The following PSD3 variants were observed in gnomAD, a reference collection of about 807,000 sequenced individuals.
PSD3 encodes PH and SEC7 domain-containing protein 3.
A neutral mutation model predicts 105.5 loss-of-function variants in PSD3; 49 were observed. That is an observed-to-expected ratio of 0.46 (90% CI 0.37 to 0.59). The LOEUF is 0.59. PSD3 is among the 20% of genes least tolerant of loss of function. The pLI is 0.00. For synonymous variants in PSD3, 557 were observed against 457.8 expected (o/e 1.22, Z -2.77); for missense variants, 1,561 against 1,263.8 (o/e 1.24, Z -3.57).
At chr8:18,843,695 G>A (rs902587675) in intron 4 of PSD3, among the ~76,000 whole-genome samples, 5 of 152,072 alleles carry the variant, frequency 3.3e-5, no homozygotes, top group African/African-American at 1.2e-4. Context: ...TGCTAATCTG[G>A]GCTTTGTGAT....
intron 4 of PSD3, among the ~76,000 whole-genome samples, chr8:18,828,981 C>T (rs978581078): frequency 4.0e-5 from 6 of 151,896 alleles, no homozygotes; most frequent in African/African-American, 9.7e-5. Flanking sequence ...CTGAGGTGGG[C>T]GGACGGCTTG....
intron 1 of PSD3, among the ~76,000 whole-genome samples, chr8:19,002,121 C>A (rs1266966771): frequency 3.3e-5 from 5 of 151,962 alleles, no homozygotes; most frequent in African/African-American, 1.2e-4. Context: ...AAGGAACATC[C>A]CTTGAAGGCA....
At chr8:18,793,069 G>A (rs556579317) in intron 8 of PSD3, among the ~76,000 whole-genome samples, 32 of 152,074 alleles carry the variant, frequency 2.1e-4, no homozygotes, top group Non-Finnish European at 3.4e-4. Context: ...GCAAACTACC[G>A]CAAGGACAGA....
At position 18,600,204 on chromosome 8, in the gene PSD3, C is replaced by T. The variant is rs377734775; in HGVS notation, c.2481+160G>A. Among the ~76,000 whole-genome samples, 10 of 152,256 alleles carry T rather than the reference C, an allele frequency of 6.6e-5. No individual in the cohort carries two copies. The East Asian group carries it at 1.7e-3, about 26-fold the overall frequency. ...CAGCATGCAACTTAAAACTTAAAATCGTTTATTTCTGGAATTCTCCGCTGA... is the reference window on the plus strand; with the variant it reads ...CAGCATGCAACTTAAAACTTAAAATTGTTTATTTCTGGAATTCTCCGCTGA... On this transcript the variant is annotated intron_variant, in intron 12 of 15. Transcript: ENST00000327040.
chr8:18,804,824 G>A lies in PSD3; in HGVS notation c.1709C>T (p.Thr570Ile), dbSNP rs773030037. The A allele has an allele frequency of 1.9e-6, 3 of 1,613,896 alleles. No individual in the cohort carries two copies. Among genetic ancestry groups the A allele is most frequent in the South Asian group, 1.1e-5 (1 of 91,074 alleles). The change falls in exon 5 of 16, where the codon ACC becomes ATC. Residue 570 changes from threonine to isoleucine, a missense_variant. Physicochemically the swap from Thr to Ile is moderately conservative, Grantham distance 89. Transcript: ENST00000327040. ...MGSTEILEKE[T>I]PENLSNGTSS... The stretch of plus-strand genomic sequence containing the variant: ...GGTACCATTACTGAGATTTTCTGGG[G>A]TCTCCTTTTCCAAAATTTCAGTGCT...
intron 1 of PSD3, among the ~76,000 whole-genome samples, chr8:19,031,415 T>C (rs1159424837): frequency 6.6e-6 from 1 of 152,234 alleles, no homozygotes; most frequent in African/African-American, 2.4e-5. Flanking sequence ...AAAGCATTTA[T>C]CAGTTTAATA....
At chr8:18,902,461 T>C (rs1034899627) in intron 2 of PSD3, among the ~76,000 whole-genome samples, 1 of 152,246 alleles carries the variant, frequency 6.6e-6, no homozygotes, top group Non-Finnish European at 1.5e-5. Context: ...ATTATTACTT[T>C]GAATTCATAT....
chr8:18,823,436 A>G (rs1812910013), intron 4 of PSD3, among the ~76,000 whole-genome samples: 1 of 152,192 alleles, frequency 6.6e-6, no homozygotes, highest in African/African-American at 2.4e-5. Flanking sequence ...TGGCAATAAT[A>G]GCAAAGGCGT....
At chr8:18,694,831 A>AG (rs1307636870) in intron 9 of PSD3, among the ~76,000 whole-genome samples, 1 of 151,396 alleles carries the variant, frequency 6.6e-6, no homozygotes, top group Non-Finnish European at 1.5e-5. Context: ...TGAAAAAAAA[A>AG]ATTATTCTGA....
At chr8:18,786,278 C>G (rs1483781454) in intron 8 of PSD3, among the ~76,000 whole-genome samples, 1 of 152,100 alleles carries the variant, frequency 6.6e-6, no homozygotes, top group Non-Finnish European at 1.5e-5. Context: ...GATTCATGAA[C>G]AAGATATTTA....
At chr8:18,731,151 G>A (rs1803719445) in intron 9 of PSD3, among the ~76,000 whole-genome samples, 1 of 152,096 alleles carries the variant, frequency 6.6e-6, no homozygotes, top group African/African-American at 2.4e-5. Context: ...AGCTACTCGG[G>A]AGCCTGAGGC....
chr8:18,957,977 C>T (rs1823682422), intron 1 of PSD3, among the ~76,000 whole-genome samples: 1 of 152,150 alleles, frequency 6.6e-6, no homozygotes, highest in Admixed American at 6.5e-5. Context: ...TAAGCTATTG[C>T]TACCACAATT....
intron 4 of PSD3, among the ~76,000 whole-genome samples, chr8:18,866,064 T>A (rs1816911203): frequency 6.6e-6 from 1 of 152,178 alleles, no homozygotes; most frequent in African/African-American, 2.4e-5. Flanking sequence ...AGCCCAAAAC[T>A]CTTCCACTCC....
chr8:18,935,282 T>A (rs1390443275), intron 2 of PSD3, among the ~76,000 whole-genome samples: 1 of 152,270 alleles, frequency 6.6e-6, no homozygotes, highest in South Asian at 2.1e-4. Context: ...TAAAAAGTAT[T>A]AAAAATAAAC....
intron 1 of PSD3, among the ~76,000 whole-genome samples, chr8:18,971,041 G>C (rs565764489): frequency 1.3e-5 from 2 of 151,496 alleles, no homozygotes; most frequent in South Asian, 4.2e-4. Flanking sequence ...ATCCACCCCA[G>C]GGAATGCATT....
intron 1 of PSD3, among the ~76,000 whole-genome samples, chr8:18,992,154 G>A (rs1268037414): frequency 6.6e-6 from 1 of 152,090 alleles, no homozygotes; most frequent in Non-Finnish European, 1.5e-5. Flanking sequence ...GCTTTATTGT[G>A]AATTCAGTTA....
At chr8:18,766,884 A>G (rs1300357182) in intron 8 of PSD3, among the ~76,000 whole-genome samples, 1 of 152,218 alleles carries the variant, frequency 6.6e-6, no homozygotes, top group Non-Finnish European at 1.5e-5. Flanking sequence ...CCTAACCTTC[A>G]GGAGCTGGAA....
At chr8:18,663,432 C>G (rs1260935323) in intron 9 of PSD3, among the ~76,000 whole-genome samples, 1 of 148,708 alleles carries the variant, frequency 6.7e-6, no homozygotes, top group Non-Finnish European at 1.5e-5. Flanking sequence ...TCTCAAAAAA[C>G]CAAAAAGCAA....
At chr8:18,919,086 G>A (rs1820820711) in intron 2 of PSD3, among the ~76,000 whole-genome samples, 1 of 152,040 alleles carries the variant, frequency 6.6e-6, no homozygotes, top group African/African-American at 2.4e-5. Flanking sequence ...TATCTAGAGT[G>A]GATATATAAT....
Sources: allele counts gnomAD v4.1 joint callset (sites outside exome capture counted in the v4.1 genomes callset), GRCh38; gene constraint gnomAD v4.1.1; transcripts MANE v1.5; gene names NCBI Gene and HGNC (gene_info 2026-07-23, HGNC 2026-07-21).